ACLY: variants seen among roughly 807,000 people sequenced by gnomAD.
The protein encoded by ACLY is ATP citrate lyase, also known as ATP-citrate synthase.
ACLY carries 41 observed loss-of-function variants against 133.0 expected under a neutral mutation model. The ratio of observed to expected loss-of-function variants is 0.31; its 90% CI spans 0.24 to 0.40. The LOEUF (loss-of-function observed/expected upper bound fraction) is 0.40. Among genes scored for constraint, ACLY ranks in the 10% least tolerant of loss-of-function variants. The probability of loss-of-function intolerance (pLI) is 1.00; values close to 1 mark genes in which losing one functional copy is unlikely to be tolerated. For missense variants in ACLY, 1,046 were observed against 1,453.8 expected (o/e 0.72, Z 4.56); for synonymous variants, 495 against 549.3 (o/e 0.90, Z 1.38).
At chr17:41,917,017 C>T (rs1411037389) in intron 1 of ACLY, among the ~76,000 whole-genome samples, 1 of 151,272 alleles carries the variant, frequency 6.6e-6, no homozygotes. Flanking sequence ...GTGGTGCACA[C>T]CTGTAGCTAC....
intron 16 of ACLY, among the ~76,000 whole-genome samples, chr17:41,890,688 CA>C (rs1334593064): frequency 2.4e-4 from 34 of 142,996 alleles, no homozygotes; most frequent in South Asian, 4.4e-4. Flanking sequence ...AACTCTGTCT[CA>C]AAAAAAAAAA....
intron 16 of ACLY, among the ~76,000 whole-genome samples, chr17:41,890,799 G>A (rs1161004246): frequency 4.7e-5 from 6 of 127,696 alleles, no homozygotes; most frequent in Admixed American, 1.0e-4. Context: ...CCAGGAGTTC[G>A]AGACCAGTCT....
intron 20 of ACLY, among the ~76,000 whole-genome samples, chr17:41,880,679 G>C (rs1296110872): frequency 6.6e-6 from 1 of 151,906 alleles, no homozygotes; most frequent in Non-Finnish European, 1.5e-5. Context: ...CCTAGCTAAC[G>C]GTGAAACCCC....
chr17:41,889,524 C>CAAAAAG (rs2049145961), intron 16 of ACLY, among the ~76,000 whole-genome samples: 1 of 31,600 alleles, frequency 3.2e-5, no homozygotes, highest in Admixed American at 6.3e-4. Context: ...CTCCATTTCA[C>CAAAAAG]AAAAAAAAAA....
At chr17:41,892,486 C>G in intron 15 of ACLY, 39 bp from the exon 16 acceptor site, 2 of 1,585,346 alleles carry the variant, frequency 1.3e-6, no homozygotes, top group Non-Finnish European at 1.7e-6. Flanking sequence ...TATCCTCAAC[C>G]TGTCAGGACT....
intron 8 of ACLY, among the ~76,000 whole-genome samples, chr17:41,905,975 G>A (rs560237448): frequency 6.6e-6 from 1 of 152,240 alleles, no homozygotes; most frequent in East Asian, 1.9e-4. Flanking sequence ...AGTCCCTGAC[G>A]GGCTACCCAA....
upstream of ACLY, among the ~76,000 whole-genome samples, chr17:41,923,449 A>C (rs1187932512): frequency 1.3e-5 from 2 of 152,204 alleles, no homozygotes; most frequent in Non-Finnish European, 1.5e-5. Flanking sequence ...GAGCTAACTA[A>C]GTGTTTTCAT....
At chr17:41,887,204 C>T (rs939485609) in intron 17 of ACLY, among the ~76,000 whole-genome samples, 1 of 148,830 alleles carries the variant, frequency 6.7e-6, no homozygotes, top group Non-Finnish European at 1.5e-5. Context: ...TTTGGGAGGC[C>T]GAGGTGGGTG....
intron 6 of ACLY, 38 bp downstream of exon 6, chr17:41,908,951 G>A (rs1555633129): frequency 1.9e-6 from 3 of 1,548,224 alleles, no homozygotes; most frequent in Non-Finnish European, 2.7e-6. Flanking sequence ...ATAGGCACTG[G>A]GACCCTTGCC....
At chr17:41,895,409 GCA>G (rs1555630142) in intron 14 of ACLY, among the ~76,000 whole-genome samples, 1 of 152,128 alleles carries the variant, frequency 6.6e-6, no homozygotes, top group African/African-American at 2.4e-5. Context: ...CCTTCCTCAA[GCA>G]CAGAGAAACC....
At position 41,906,521 on chromosome 17, in the gene ACLY, C is replaced by G. The variant is rs62076883; in HGVS notation, c.866+7G>C. ...CTGGCATCCCTTCAGCAACCCCCTTCGGTCACCTGTACACGACAGAGGCGC... is the reference window on the plus strand; with the variant it reads ...CTGGCATCCCTTCAGCAACCCCCTTGGGTCACCTGTACACGACAGAGGCGC... On this transcript the variant is annotated splice_region_variant and intron_variant, in intron 8 of 28. Transcript: ENST00000352035. 6.2e-7 allele frequency: 1 copy of G among 1,612,952 alleles called. No individual in the cohort carries two copies. The highest frequency in any genetic ancestry group is 1.1e-5 in the South Asian group (1 of 91,030).
chr17:41,868,018 G>T (rs1239464633), intron 28 of ACLY, 114 bp from the exon 29 acceptor site: 4 of 670,940 alleles, frequency 6.0e-6, no homozygotes, highest in African/African-American at 1.8e-5. Flanking sequence ...CAAAGCAGTG[G>T]GAAGTTTAGT....
chr17:41,871,383 A>C, intron 25 of ACLY, among the ~76,000 whole-genome samples: 2 of 135,764 alleles, frequency 1.5e-5, no homozygotes, highest in Admixed American at 7.8e-5. Flanking sequence ...ATGGAGTTTC[A>C]CTCTTGTTGC....
intron 21 of ACLY, among the ~76,000 whole-genome samples, 170 bp from the exon 22 acceptor site, chr17:41,878,366 G>A (rs1383267793): frequency 2.0e-5 from 3 of 152,146 alleles, no homozygotes; most frequent in African/African-American, 7.2e-5. Context: ...GACTGCACCT[G>A]CCCTCTGCTC....
chr17:41,879,550 C>G (rs1186365886), intron 20 of ACLY, among the ~76,000 whole-genome samples: 1 of 143,158 alleles, frequency 7.0e-6, no homozygotes, highest in Non-Finnish European at 1.5e-5. Context: ...TCCTCAATAG[C>G]TGGGACTATA....
Position 41,887,696 on chromosome 17 carries a change from G to T in ACLY, c.1778C>A (p.Thr593Asn), listed in dbSNP as rs782649298. The stretch of plus-strand genomic sequence containing the variant: ...GATGCCTTCAGCTATGATGGCGATG[G>T]TCCGGATCTAGAGGATGACAAAAGT... ...METMNYAQIR[T>N]IAIIAEGIPE... The change falls in exon 17 of 29, where the codon ACC becomes AAC. Residue 593 changes from threonine to asparagine, a missense_variant. Around this residue, in one of 4 missense-constraint regions of ACLY, gnomAD observed 575 missense variants for 804.2 expected, o/e 0.71. Transcript: ENST00000352035. The T allele has an allele frequency of 6.2e-7, 1 of 1,613,606 alleles. No individual in the cohort carries two copies. Among genetic ancestry groups the T allele is most frequent in the South Asian group, 1.1e-5 (1 of 91,074 alleles).
At chr17:41,904,147 A>G (rs2049623832) in intron 10 of ACLY, among the ~76,000 whole-genome samples, 1 of 132,330 alleles carries the variant, frequency 7.6e-6, no homozygotes, top group African/African-American at 2.8e-5. Context: ...GAAGGAGGAA[A>G]GGAGGGAGGA....
intron 25 of ACLY, among the ~76,000 whole-genome samples, 182 bp from the exon 26 acceptor site, chr17:41,869,769 C>A (rs1597962419): frequency 6.6e-6 from 1 of 152,080 alleles, no homozygotes; most frequent in African/African-American, 2.4e-5. Context: ...TTTTGAAGTC[C>A]TCTCATATCT....
chr17:41,908,007 T>C (rs1310038489), intron 6 of ACLY, among the ~76,000 whole-genome samples: 3 of 152,122 alleles, frequency 2.0e-5, no homozygotes, highest in Admixed American at 1.3e-4. Context: ...AGCCTCAGTG[T>C]CAGGTGGAGC....
Sources: allele counts gnomAD v4.1 joint callset (sites outside exome capture counted in the v4.1 genomes callset), GRCh38; gene constraint gnomAD v4.1.1; regional missense constraint gnomAD v4.1.1; transcripts MANE v1.5; gene names NCBI Gene and HGNC (gene_info 2026-07-23, HGNC 2026-07-21).